The following HYLS1 variants were observed in gnomAD, a reference collection of about 807,000 sequenced individuals.
HYLS1 encodes the protein HYLS1 centriolar and ciliogenesis associated.
A neutral mutation model predicts 29.4 loss-of-function variants in HYLS1; 25 were observed. The ratio of observed to expected loss-of-function variants is 0.85; its 90% CI spans 0.62 to 1.19. The LOEUF (loss-of-function observed/expected upper bound fraction) is 1.19, where lower values mean the gene tolerates loss of function less well. Among genes scored for constraint, HYLS1 ranks in the 50% most tolerant of loss-of-function variants. The probability of loss-of-function intolerance (pLI) is 0.00; values close to 1 mark genes in which losing one functional copy is unlikely to be tolerated. For missense variants in HYLS1, 352 were observed against 365.1 expected, an observed-to-expected ratio of 0.96 and a Z score of 0.29; for synonymous variants, 128 against 126.7, an observed-to-expected ratio of 1.01 and a Z score of -0.07.
At chr11:125,896,516 C>A (rs1313596478) in intron 2 of HYLS1, among the ~76,000 whole-genome samples, 1 of 152,188 alleles carries the variant, frequency 6.6e-6, no homozygotes, top group African/African-American at 2.4e-5. Context: ...CTGGCCAGTT[C>A]ACAGAGGGAA....
Position 125,900,449 on chromosome 11 carries a change from C to A in HYLS1, c.*181C>A. 1 of 611,376 alleles carries A rather than the reference C, an allele frequency of 1.6e-6. No individual in the cohort carries two copies. Among genetic ancestry groups the A allele is most frequent in the Non-Finnish European group, 2.9e-6 (1 of 341,314 alleles). The allele number at this position is 611,376 out of a possible 1,614,324, so 37.9% of individuals were successfully genotyped here. A position where few individuals can be genotyped will look rare whatever the true frequency, so the allele number is the denominator to read the frequency against. On this transcript the variant is annotated 3_prime_UTR_variant, in exon 3 of 3. Coordinates refer to ENST00000425380, the MANE Select transcript of HYLS1 (RefSeq NM_001134793.2). ...GTATCAGATGATACTTCCAAATTGC[C>A]ACTCAAATCCAGCAATTGCAAGATA...
upstream of HYLS1, among the ~76,000 whole-genome samples, chr11:125,884,767 G>A (rs971225158): frequency 6.6e-6 from 1 of 152,204 alleles, no homozygotes; most frequent in Non-Finnish European, 1.5e-5. Context: ...CAACAAGACT[G>A]GTCATAAGTT....
At chr11:125,889,480 C>T (rs1944370308) in intron 1 of HYLS1, among the ~76,000 whole-genome samples, 1 of 152,134 alleles carries the variant, frequency 6.6e-6, no homozygotes, top group South Asian at 2.1e-4. Context: ...CACCTGTAAT[C>T]CCAAGCACTT....
rs1269860014 is a variant in HYLS1, at chr11:125,899,637, G to A, written c.269G>A (p.Arg90Gln). Residue 90 changes from arginine to glutamine, a missense_variant, in exon 3 of 3, where the codon CGA becomes CAA. Physicochemically the swap from Arg to Gln is conservative, Grantham distance 43. Transcript: ENST00000425380. ...GTCTCTGAGGCCTCCCAAAGACTCCGAAAGCCAGTGATGAAGAGAAAGGTG... is the reference window on the plus strand; with the variant it reads ...GTCTCTGAGGCCTCCCAAAGACTCCAAAAGCCAGTGATGAAGAGAAAGGTG... ...ETVSEASQRL[R>Q]KPVMKRKVLR... 22 of 1,614,028 alleles carry A rather than the reference G, an allele frequency of 1.4e-5. No homozygotes were observed. The highest frequency in any genetic ancestry group is 5.0e-5 in the Admixed American group (3 of 60,008).
At chr11:125,894,797 C>T (rs1441743242) in intron 2 of HYLS1, among the ~76,000 whole-genome samples, 1 of 152,188 alleles carries the variant, frequency 6.6e-6, no homozygotes, top group African/African-American at 2.4e-5. Flanking sequence ...AATTTTACCA[C>T]ATCCTAACAG....
upstream of HYLS1, among the ~76,000 whole-genome samples, chr11:125,885,232 G>A (rs1399362555): frequency 2.6e-5 from 4 of 152,204 alleles, no homozygotes; most frequent in South Asian, 6.2e-4. Context: ...CTGGCGGATC[G>A]CTTGAGGTCA....
upstream of HYLS1, among the ~76,000 whole-genome samples, chr11:125,884,986 G>C (rs1219090196): frequency 1.3e-5 from 2 of 152,086 alleles, no homozygotes; most frequent in Non-Finnish European, 2.9e-5. Flanking sequence ...GGAACCACAA[G>C]CATTATTAAA....
Position 125,899,553 on chromosome 11 carries a change from C to G in HYLS1, c.185C>G (p.Pro62Arg), listed in dbSNP as rs1233692949. Reference sequence around the variant, plus strand: ...GCTTCAGTAGCCCCAGGGAAGCGACCTGCTCTTCCTGTGCAACTACAGTAC... The same window carrying G: ...GCTTCAGTAGCCCCAGGGAAGCGACGTGCTCTTCCTGTGCAACTACAGTAC... Reference protein sequence around the residue: ...SKASVAPGKRPALPVQLQYPH... With the variant: ...SKASVAPGKRRALPVQLQYPH... Residue 62 changes from proline (P) to arginine (R), a missense_variant, in exon 3 of 3, where the codon CCT (proline) becomes CGT (arginine). Transcript: ENST00000425380. 6.2e-7 allele frequency: 1 copy of G among 1,614,098 alleles called. No individual in the cohort carries two copies. The highest frequency in any genetic ancestry group is 1.1e-5 in the South Asian group (1 of 91,082).
intron 2 of HYLS1, chr11:125,896,149 C>G (rs549990): frequency 6.2e-7 from 1 of 1,613,730 alleles, no homozygotes; most frequent in African/African-American, 1.3e-5. Flanking sequence ...CCAGCTCCTG[C>G]TGAATTTTCT....
rs138932561 is a variant in HYLS1 at position 125,893,964 on chromosome 11, G to C, written c.-26+2492G>C. 9.7e-4 allele frequency: 1,562 copies of C among 1,614,166 alleles called. 21 individuals are homozygous for C. The highest frequency in any genetic ancestry group is 6.9e-5 in the Non-Finnish European group (82 of 1,180,042). On this transcript the variant is annotated intron_variant, in intron 2 of 2. Coordinates refer to ENST00000425380, the MANE Select transcript of HYLS1 (RefSeq NM_001134793.2). ...ACAAAATGCTGGATCCGGGATTCCA[G>C]TCCTTGGCATTTAGGACGGTCCATG... is the stretch of plus-strand genomic sequence containing the variant.
At position 125,893,924 on chromosome 11, in the gene HYLS1, A is replaced by G. The variant is rs753765987; in HGVS notation, c.-26+2452A>G. ...CTCATGGAATAAATGTGGGTGCTCA[A>G]TTCGTCCCCTACGTACAAAATGCTG... On this transcript the variant is annotated intron_variant, in intron 2 of 2. Transcript: ENST00000425380. 5.6e-6 allele frequency: 9 copies of G among 1,614,148 alleles called. No homozygotes were observed. In the East Asian group the frequency reaches 1.3e-4, roughly 24 times the overall value.
rs147882534 is a variant in HYLS1 at position 125,892,965 on chromosome 11, C to T, written c.-26+1493C>T. ...GCTGCCTGAATGCATATGTTGTCAT[C>T]TCTAACCCTTTATACAAACTGGATC... On this transcript the variant is annotated intron_variant, in intron 2 of 2. Coordinates refer to ENST00000425380, the MANE Select transcript of HYLS1 (RefSeq NM_001134793.2). Among the ~76,000 whole-genome samples the T allele has an allele frequency of 6.3e-3, 963 of 152,342 alleles. 9 individuals carry two copies. The highest frequency in any genetic ancestry group is 0.022 in the African/African-American group (907 of 41,574).
At chr11:125,892,414 TTC>T (rs890688654) in intron 2 of HYLS1, among the ~76,000 whole-genome samples, 2 of 152,228 alleles carry the variant, frequency 1.3e-5, no homozygotes, top group African/African-American at 4.8e-5. Context: ...CAACTCTGAG[TTC>T]TTTTGAATAA....
chr11:125,890,625 T>C (rs1944392837), intron 1 of HYLS1, among the ~76,000 whole-genome samples: 1 of 152,206 alleles, frequency 6.6e-6, no homozygotes, highest in Admixed American at 6.5e-5. Context: ...CCTAGGATGC[T>C]GAGTCACTAA....
upstream of HYLS1, chr11:125,887,416 A>G (rs1372593170): frequency 6.6e-6 from 1 of 152,268 alleles, no homozygotes; most frequent in African/African-American, 2.4e-5. Flanking sequence ...GCGTCGCAGC[A>G]ACGGCTGCTG....
At chr11:125,894,847 A>G (rs1944525891) in intron 2 of HYLS1, among the ~76,000 whole-genome samples, 1 of 152,224 alleles carries the variant, frequency 6.6e-6, no homozygotes, top group Non-Finnish European at 1.5e-5. Flanking sequence ...CCAATGATGT[A>G]GAAATTAATG....
rs145001537 is a variant in HYLS1 at position 125,899,392 on chromosome 11, A to G, written c.24A>G (p.Gly8=). The G allele has an allele frequency of 7.6e-4, 1,226 of 1,614,152 alleles. 15 individuals carry two copies. In the South Asian group the frequency reaches 0.01, roughly 13 times the overall value. MEELLPD[G]QIWANMDPEE... Reference sequence around the variant, plus strand: ...CAATGGAAGAACTTCTACCTGATGGACAAATATGGGCTAATATGGATCCAG... The same window carrying G: ...CAATGGAAGAACTTCTACCTGATGGGCAAATATGGGCTAATATGGATCCAG... Residue 8 remains glycine, a synonymous_variant, in exon 3 of 3, where the codon GGA becomes GGG. Coordinates refer to ENST00000425380, the MANE Select transcript of HYLS1 (RefSeq NM_001134793.2).
intron 2 of HYLS1, chr11:125,895,714 T>C (rs1944562107): frequency 6.2e-7 from 1 of 1,613,758 alleles, no homozygotes; most frequent in African/African-American, 1.3e-5. Context: ...GCAGCAGCAT[T>C]AGCCTCCTCT....
chr11:125,895,710 G>A (rs1482306454), intron 2 of HYLS1: 1 of 1,613,816 alleles, frequency 6.2e-7, no homozygotes, highest in South Asian at 1.1e-5. Context: ...TTCAGCAGCA[G>A]CATTAGCCTC....
Sources: gnomAD v4.1 joint callset for allele counts (sites outside exome capture counted in the v4.1 genomes callset) on GRCh38, gnomAD v4.1.1 for gene constraint, MANE v1.5 for transcripts, NCBI Gene and HGNC (gene_info 2026-07-23, HGNC 2026-07-21) for gene names.